Variants in UGGT2 observed in about 807,000 individuals in gnomAD.
The protein encoded by UGGT2 is UDP-glucose:glycoprotein glucosyltransferase 2.
UGGT2 carries 180 observed loss-of-function variants against 192.1 expected under a neutral mutation model. That is an observed-to-expected ratio of 0.94 (90% CI 0.83 to 1.06). The LOEUF (loss-of-function observed/expected upper bound fraction) is 1.06. UGGT2 is among the 50% of genes least tolerant of loss of function. The pLI is 0.00. For missense variants in UGGT2, 1,849 were observed against 1,795.7 expected (o/e 1.03, Z -0.54); for synonymous variants, 580 against 591.0 (o/e 0.98, Z 0.27).
At chr13:95,932,277 TCTC>T (rs1165671170) in intron 17 of UGGT2, among the ~76,000 whole-genome samples, 2 of 151,754 alleles carry the variant, frequency 1.3e-5, no homozygotes, top group African/African-American at 4.8e-5. Flanking sequence ...AGATCTTTCA[TCTC>T]CTTAGTTAGC....
rs550138993 is a variant in UGGT2 at position 96,019,739 on chromosome 13, A to C, written c.485+3301T>G. Reference sequence around the variant, plus strand: ...AGACCAGACAGGTAGGCCATTGGCAACAGCACAAGAGTCAGTATGAATGTA... The same window carrying C: ...AGACCAGACAGGTAGGCCATTGGCACCAGCACAAGAGTCAGTATGAATGTA... On this transcript the variant is annotated intron_variant, in intron 4 of 38. Coordinates refer to ENST00000376747, the MANE Select transcript of UGGT2 (RefSeq NM_020121.4). Among the ~76,000 whole-genome samples, 5 of 152,340 alleles carry C rather than the reference A, an allele frequency of 3.3e-5. No homozygotes were observed. The South Asian group carries it at 1.0e-3, about 32-fold the overall frequency.
intron 17 of UGGT2, among the ~76,000 whole-genome samples, chr13:95,932,666 C>G (rs535059853): frequency 3.1e-4 from 47 of 152,212 alleles, no homozygotes; most frequent in Admixed American, 1.0e-3. Context: ...TTTTCCTGTT[C>G]CAGTCCTCAA....
chr13:95,881,474 T>C (rs1365674889), intron 27 of UGGT2, among the ~76,000 whole-genome samples: 1 of 152,152 alleles, frequency 6.6e-6, no homozygotes, highest in African/African-American at 2.4e-5. Context: ...ACTGAGAGAA[T>C]AAACTGAGCC....
intron 1 of UGGT2, among the ~76,000 whole-genome samples, chr13:96,032,219 T>C (rs2052859020): frequency 6.6e-6 from 1 of 152,168 alleles, no homozygotes; most frequent in South Asian, 2.1e-4. Flanking sequence ...AAATTACCTT[T>C]GGCTTTTCCT....
At chr13:95,842,211 A>G (rs1161669061) in intron 36 of UGGT2, among the ~76,000 whole-genome samples, 1 of 152,168 alleles carries the variant, frequency 6.6e-6, no homozygotes, top group East Asian at 1.9e-4. Context: ...CACCCAATCC[A>G]GTCCCCAGGT....
At chr13:95,963,412 A>G (rs2050466077) in intron 12 of UGGT2, among the ~76,000 whole-genome samples, 2 of 152,164 alleles carry the variant, frequency 1.3e-5, no homozygotes, top group Admixed American at 6.6e-5. Context: ...GCATAATATA[A>G]AGGCCAGAAA....
At chr13:95,853,501 A>G in intron 36 of UGGT2, 42 bp downstream of exon 36, 6 of 1,536,968 alleles carry the variant, frequency 3.9e-6, no homozygotes, top group Non-Finnish European at 4.5e-6. Flanking sequence ...GGAACAGTCT[A>G]TGTACACACA....
At chr13:95,899,162 A>G (rs1442320600) in intron 22 of UGGT2, among the ~76,000 whole-genome samples, 2 of 152,226 alleles carry the variant, frequency 1.3e-5, no homozygotes, top group Non-Finnish European at 2.9e-5. Flanking sequence ...TCCTGGAAGC[A>G]GAGAGCAGCC....
chr13:95,980,773 G>T lies in UGGT2; in HGVS notation c.1092+3031C>A, dbSNP rs532314913. ...ATTCTTGGGAGGCCAAGGCGGGGCA[G>T]ATTACCTGAGGTCAGGAGTTCGTGA... On this transcript the variant is annotated intron_variant, in intron 10 of 38. Coordinates refer to ENST00000376747, the MANE Select transcript of UGGT2 (RefSeq NM_020121.4). Among the ~76,000 whole-genome samples the T allele has an allele frequency of 6.0e-4, 92 of 152,324 alleles. 1 individual carries two copies. Among genetic ancestry groups the T allele is most frequent in the African/African-American group, 1.9e-3 (77 of 41,578 alleles).
intron 38 of UGGT2, among the ~76,000 whole-genome samples, chr13:95,811,826 A>T (rs1315847302): frequency 6.6e-6 from 1 of 152,128 alleles, no homozygotes; most frequent in Non-Finnish European, 1.5e-5. Context: ...TTAGAGACAT[A>T]TATTCTAAAC....
chr13:95,841,701 C>T (rs1424157893), intron 36 of UGGT2, among the ~76,000 whole-genome samples: 1 of 152,094 alleles, frequency 6.6e-6, no homozygotes. Flanking sequence ...AATTTTGATG[C>T]TAATTTATCT....
intron 38 of UGGT2, among the ~76,000 whole-genome samples, chr13:95,829,020 C>A (rs1158150889): frequency 1.3e-5 from 2 of 152,126 alleles, no homozygotes; most frequent in Non-Finnish European, 2.9e-5. Context: ...TCAACATACA[C>A]AAATCAATAA....
chr13:96,019,316 A>C (rs1009135671), intron 4 of UGGT2, among the ~76,000 whole-genome samples: 37 of 152,194 alleles, frequency 2.4e-4, no homozygotes, highest in African/African-American at 8.7e-4. Context: ...CCATGGGCCC[A>C]CATTCCACAG....
intron 2 of UGGT2, among the ~76,000 whole-genome samples, chr13:96,029,186 C>A (rs2052756335): frequency 6.6e-6 from 1 of 152,132 alleles, no homozygotes; most frequent in Non-Finnish European, 1.5e-5. Context: ...CTCATTTGTA[C>A]CATTCTTTTC....
At chr13:95,983,935 A>ATTAG in intron 9 of UGGT2, 71 bp from the exon 10 acceptor site, 4 of 980,354 alleles carry the variant, frequency 4.1e-6, no homozygotes, top group African/African-American at 1.7e-5. Flanking sequence ...AACCCAATGT[A>ATTAG]ATCTAATACT....
chr13:96,020,936 C>T (rs2052495694), intron 4 of UGGT2, among the ~76,000 whole-genome samples: 1 of 152,198 alleles, frequency 6.6e-6, no homozygotes, highest in Admixed American at 6.5e-5. Flanking sequence ...GACTTTACTG[C>T]TCATGACATA....
intron 20 of UGGT2, among the ~76,000 whole-genome samples, chr13:95,910,268 A>C (rs2048445892): frequency 6.6e-6 from 1 of 152,192 alleles, no homozygotes. Flanking sequence ...AAATGGGCTA[A>C]AAGCCCCAAT....
Position 95,997,766 on chromosome 13 carries a change from G to A in UGGT2, c.757+1445C>T, listed in dbSNP as rs555487727. On this transcript the variant is annotated intron_variant, in intron 6 of 38. Transcript: ENST00000376747. The stretch of plus-strand genomic sequence containing the variant: ...AGGAGAGGTCATAAAGACTTCCCAT[G>A]GAGCCCATGCATAAAAGCATCCAGG... 8.8e-4 allele frequency among the ~76,000 whole-genome samples: 134 copies of A among 152,326 alleles called. 1 individual carries two copies. Among genetic ancestry groups the A allele is most frequent in the Non-Finnish European group, 6.2e-4 (42 of 68,030 alleles).
intron 36 of UGGT2, among the ~76,000 whole-genome samples, chr13:95,845,697 C>G (rs540404350): frequency 9.3e-4 from 142 of 152,192 alleles, no homozygotes; most frequent in African/African-American, 3.3e-3. Context: ...ACCTCCCAGA[C>G]AGGGTGGCGG....
Sources: gnomAD v4.1 joint callset for allele counts (sites outside exome capture counted in the v4.1 genomes callset) on GRCh38, gnomAD v4.1.1 for gene constraint, MANE v1.5 for transcripts, NCBI Gene and HGNC (gene_info 2026-07-23, HGNC 2026-07-21) for gene names.